GLMN: variants seen among roughly 807,000 people sequenced by gnomAD.
GLMN encodes the protein glomulin, FKBP associated protein, also known as glomulin.
GLMN carries 75 observed loss-of-function variants against 87.8 expected under a neutral mutation model. The observed-to-expected ratio is 0.85, with a 90% CI of 0.71 to 1.04. The LOEUF is 1.04. Ranked by LOEUF, GLMN falls within the 50% of genes least tolerant of loss-of-function variation. The pLI is 0.00. For missense variants in GLMN, 588 were observed against 658.8 expected (o/e 0.89, Z 1.18); for synonymous variants, 206 against 221.6 (o/e 0.93, Z 0.63).
intron 16 of GLMN, among the ~76,000 whole-genome samples, chr1:92,259,073 T>A (rs183863528): frequency 6.6e-6 from 1 of 152,214 alleles, no homozygotes; most frequent in East Asian, 1.9e-4. Context: ...CATCTCATTG[T>A]TTCCCTTGTC....
chr1:92,351,589 G>C, the GLMN span, among the ~76,000 whole-genome samples: 1 of 152,062 alleles, frequency 6.6e-6, no homozygotes, highest in East Asian at 1.9e-4. Context: ...CTTTGCTCTT[G>C]GTCTTCCCCA....
the GLMN span, among the ~76,000 whole-genome samples, chr1:92,361,322 G>A: frequency 1.3e-5 from 2 of 151,990 alleles, no homozygotes; most frequent in Non-Finnish European, 2.9e-5. Context: ...TACATTGTCT[G>A]GATTACTTTT....
upstream of GLMN, chr1:92,301,591 G>T: frequency 2.3e-6 from 3 of 1,286,614 alleles, no homozygotes; most frequent in Non-Finnish European, 3.2e-6. Context: ...AATGGAGTGT[G>T]TATGTGTTAA....
chr1:92,307,010 T>C, the GLMN span, among the ~76,000 whole-genome samples: 13 of 152,074 alleles, frequency 8.5e-5, no homozygotes, highest in Non-Finnish European at 1.8e-4. Context: ...GGTGATGCAG[T>C]TGGGAAGGGG....
chr1:92,279,460 A>C (rs1161310646), intron 7 of GLMN, among the ~76,000 whole-genome samples: 2 of 146,812 alleles, frequency 1.4e-5, no homozygotes, highest in Non-Finnish European at 3.0e-5. Context: ...CTGTCACAAA[A>C]AAAAAAAAAA....
At chr1:92,299,028 G>T, upstream of GLMN, 2 of 1,174,088 alleles carry the variant, frequency 1.7e-6, no homozygotes, top group Non-Finnish European at 2.4e-6. Context: ...GGGGCCTCGG[G>T]GCGAGACGCC....
chr1:92,247,879 T>G lies in GLMN; in HGVS notation c.1584A>C (p.Gln528His). Residue 528 changes from glutamine to histidine, a missense_variant and splice_region_variant, in exon 17 of 19, where the codon CAA (glutamine) becomes CAC (histidine). Gln to His is a conservative substitution (Grantham distance 24). Transcript: ENST00000370360. Reference protein sequence around the residue: ...AHYEAEIKNSQEAQKSKDLCS... With the variant: ...AHYEAEIKNSHEAQKSKDLCS... ...AAAACAAAATTGCACATTACCAACC[T>G]TGGCTATTTTTAATTTCTGCTTCAT... is the stretch of plus-strand genomic sequence containing the variant. 1 of 1,125,232 alleles carries G rather than the reference T, an allele frequency of 8.9e-7. No individual in the cohort carries two copies. 69.7% of individuals were successfully genotyped at this position (1,125,232 alleles called of 1,614,324 possible).
intron 16 of GLMN, among the ~76,000 whole-genome samples, chr1:92,261,765 G>A (rs891592122): frequency 5.3e-5 from 8 of 151,224 alleles, no homozygotes; most frequent in African/African-American, 1.5e-4. Context: ...GAAATATTTC[G>A]GAGAAAGTAT....
chr1:92,308,077 C>T, the GLMN span, among the ~76,000 whole-genome samples: 1 of 135,986 alleles, frequency 7.4e-6, no homozygotes, highest in Admixed American at 7.4e-5. Context: ...AGCTCTGGCT[C>T]AAAAAAAAAA....
the GLMN span, among the ~76,000 whole-genome samples, chr1:92,306,136 T>G: frequency 3.3e-5 from 5 of 152,114 alleles, no homozygotes; most frequent in African/African-American, 9.7e-5. Flanking sequence ...AAAGGACAAA[T>G]ACTGTATGCT....
chr1:92,259,329 G>A (rs902022428), intron 16 of GLMN, among the ~76,000 whole-genome samples: 11 of 152,090 alleles, frequency 7.2e-5, no homozygotes, highest in African/African-American at 2.7e-4. Context: ...GTAAAGATGG[G>A]AGCATGTTTG....
chr1:92,266,391 T>G (rs1441470536), intron 13 of GLMN, 28 bp downstream of exon 13: 2 of 1,147,838 alleles, frequency 1.7e-6, no homozygotes, highest in East Asian at 2.3e-5. Flanking sequence ...AACCACACAC[T>G]TAGCAATTAG....
At chr1:92,301,481 C>T (rs1321372503), upstream of GLMN, 5 of 1,563,160 alleles carry the variant, frequency 3.2e-6, no homozygotes, top group Non-Finnish European at 4.3e-6. Flanking sequence ...TTTAGGAAAG[C>T]TGAACTAGAA....
At chr1:92,304,381 A>AT in the GLMN span, 15 of 1,311,032 alleles carry the variant, frequency 1.1e-5, no homozygotes, top group East Asian at 4.9e-5. Context: ...GTGGCAATTA[A>AT]TTTTTTTTCT....
At chr1:92,356,417 TTTTTTG>T in the GLMN span, among the ~76,000 whole-genome samples, 2 of 152,078 alleles carry the variant, frequency 1.3e-5, no homozygotes, top group Non-Finnish European at 1.5e-5. Flanking sequence ...ACATTTTCCT[TTTTTTG>T]TTTTTATTTT....
chr1:92,315,248 TGAACAGCTGGTTGGTG>T, the GLMN span, among the ~76,000 whole-genome samples: 3 of 152,190 alleles, frequency 2.0e-5, no homozygotes, highest in Non-Finnish European at 4.4e-5. Flanking sequence ...GCGAGATGGG[TGAACAGCTGGTTGGTG>T]GATCAGTCAG....
At chr1:92,259,728 C>CTTTTTTTTTTTTTTTTTTTTTTTTT (rs1654757103) in intron 16 of GLMN, among the ~76,000 whole-genome samples, 1 of 111,180 alleles carries the variant, frequency 9.0e-6, no homozygotes, top group African/African-American at 3.6e-5. Context: ...TCTTTTTTTT[C>CTTTTTTTTTTTTTTTTTTTTTTTTT]TTTCTTTTTT....
chr1:92,294,235 T>C (rs188759874), intron 3 of GLMN, among the ~76,000 whole-genome samples: 391 of 152,290 alleles, frequency 2.6e-3, no homozygotes, highest in African/African-American at 9.1e-3. Context: ...ATGCCTTCTA[T>C]GTACCCACAA....
the GLMN span, among the ~76,000 whole-genome samples, chr1:92,334,217 G>A: frequency 6.6e-6 from 1 of 152,154 alleles, no homozygotes; most frequent in Non-Finnish European, 1.5e-5. Context: ...ATTAACCAAG[G>A]CATAAAGAAG....
Sources: gnomAD v4.1 joint callset for allele counts (sites outside exome capture counted in the v4.1 genomes callset) on GRCh38, gnomAD v4.1.1 for gene constraint, MANE v1.5 for transcripts, NCBI Gene and HGNC (gene_info 2026-07-23, HGNC 2026-07-21) for gene names.